Variants in ADAMTS12 observed in about 807,000 individuals in gnomAD.
ADAMTS12 encodes ADAM metallopeptidase with thrombospondin type 1 motif 12.
In ADAMTS12, 118 loss-of-function variants were observed where a neutral mutation model predicts 167.8. The ratio of observed to expected loss-of-function variants is 0.70; its 90% CI spans 0.61 to 0.82. ADAMTS12 has a LOEUF of 0.82. Ranked by LOEUF, ADAMTS12 falls within the 40% of genes least tolerant of loss-of-function variation. The pLI, the probability that ADAMTS12 is intolerant of heterozygous loss-of-function variation, is 0.00. For missense variants in ADAMTS12, 1,916 were observed against 1,998.8 expected (o/e 0.96, Z 0.79); for synonymous variants, 704 against 716.9 (o/e 0.98, Z 0.29).
At position 33,718,854 on chromosome 5, in the gene ADAMTS12, G is replaced by A. The variant is rs556548129; in HGVS notation, c.634+32550C>T. 9.5e-4 allele frequency among the ~76,000 whole-genome samples: 144 copies of A among 152,292 alleles called. 1 individual carries two copies. The highest frequency in any genetic ancestry group is 3.4e-3 in the African/African-American group (143 of 41,582). ...GCACCTGAAAATATTGCATGCACTT[G>A]CCTAGGTACTTGGTTTATGATTGGC... On this transcript the variant is annotated intron_variant, in intron 3 of 23. Transcript: ENST00000504830.
At chr5:33,631,443 G>C (rs910268653) in intron 12 of ADAMTS12, among the ~76,000 whole-genome samples, 1 of 151,028 alleles carries the variant, frequency 6.6e-6, no homozygotes, top group African/African-American at 2.4e-5. Flanking sequence ...TCCAGTCTAA[G>C]AGGTGCTTAG....
intron 21 of ADAMTS12, among the ~76,000 whole-genome samples, chr5:33,548,155 T>C (rs1745073744): frequency 6.6e-6 from 1 of 152,232 alleles, no homozygotes; most frequent in African/African-American, 2.4e-5. Context: ...TTCCCTTCAC[T>C]GGCACATGGT....
intron 19 of ADAMTS12, among the ~76,000 whole-genome samples, chr5:33,569,804 C>T (rs1330198239): frequency 1.3e-5 from 2 of 152,098 alleles, no homozygotes; most frequent in Non-Finnish European, 2.9e-5. Context: ...CTCTGAGCTA[C>T]AGGAGGAAAT....
intron 3 of ADAMTS12, among the ~76,000 whole-genome samples, chr5:33,740,019 C>T (rs951571702): frequency 3.3e-5 from 5 of 152,178 alleles, no homozygotes; most frequent in African/African-American, 1.2e-4. Context: ...AACAGAAAGA[C>T]TCATAACTCA....
chr5:33,693,788 A>G (rs1034662209), intron 3 of ADAMTS12, among the ~76,000 whole-genome samples: 4 of 152,300 alleles, frequency 2.6e-5, no homozygotes, highest in East Asian at 1.9e-4. Context: ...CACCAATCCT[A>G]TTTAACACAG....
At chr5:33,649,403 T>A in intron 8 of ADAMTS12, 151 bp downstream of exon 8, 2 of 952,186 alleles carry the variant, frequency 2.1e-6, no homozygotes, top group Non-Finnish European at 3.0e-6. Flanking sequence ...AATGCAGAAG[T>A]GAAATCCGCC....
intron 2 of ADAMTS12, among the ~76,000 whole-genome samples, chr5:33,796,830 CTCA>C (rs1197106651): frequency 3.3e-5 from 5 of 152,316 alleles, no homozygotes; most frequent in Middle Eastern, 6.8e-3. Flanking sequence ...AAACTTCACC[CTCA>C]TCATCATTTG....
intron 2 of ADAMTS12, among the ~76,000 whole-genome samples, chr5:33,875,598 G>C (rs1750201918): frequency 6.6e-6 from 1 of 152,124 alleles, no homozygotes; most frequent in African/African-American, 2.4e-5. Context: ...AAAAGCACTT[G>C]ACAAAATTCA....
chr5:33,884,979 T>C (rs969492653), intron 1 of ADAMTS12, among the ~76,000 whole-genome samples: 2 of 152,288 alleles, frequency 1.3e-5, no homozygotes, highest in African/African-American at 4.8e-5. Context: ...CTGAATAAAA[T>C]GTTATACTCT....
intron 2 of ADAMTS12, among the ~76,000 whole-genome samples, chr5:33,766,451 A>C (rs1234079693): frequency 6.6e-6 from 1 of 152,204 alleles, no homozygotes; most frequent in East Asian, 1.9e-4. Context: ...ATATTCCTAG[A>C]ACAGAAAAAA....
At chr5:33,630,609 CTG>C (rs1739871988) in intron 13 of ADAMTS12, among the ~76,000 whole-genome samples, 169 bp downstream of exon 13, 1 of 152,136 alleles carries the variant, frequency 6.6e-6, no homozygotes, top group Admixed American at 6.5e-5. Context: ...CAATCCAAAA[CTG>C]TGACTTTGAT....
At chr5:33,552,044 C>T (rs929342077) in intron 20 of ADAMTS12, among the ~76,000 whole-genome samples, 18 of 152,202 alleles carry the variant, frequency 1.2e-4, no homozygotes, top group Non-Finnish European at 1.8e-4. Flanking sequence ...CCAAACAGGT[C>T]TGATAGTATC....
At chr5:33,629,625 A>G (rs1429520072) in intron 13 of ADAMTS12, among the ~76,000 whole-genome samples, 3 of 152,176 alleles carry the variant, frequency 2.0e-5, no homozygotes, top group African/African-American at 7.2e-5. Flanking sequence ...GGCTATCACA[A>G]CCTTACACAA....
chr5:33,723,702 G>A (rs1040556164), intron 3 of ADAMTS12, among the ~76,000 whole-genome samples: 11 of 152,118 alleles, frequency 7.2e-5, no homozygotes, highest in African/African-American at 2.7e-4. Flanking sequence ...GGCAAGCAGA[G>A]GTACTTGGTA....
At chr5:33,652,596 A>G (rs575525713) in intron 7 of ADAMTS12, among the ~76,000 whole-genome samples, 1 of 151,954 alleles carries the variant, frequency 6.6e-6, no homozygotes, top group East Asian at 1.9e-4. Flanking sequence ...TACTCCACTG[A>G]TTATTTCTTT....
At chr5:33,851,953 G>C (rs1749234877) in intron 2 of ADAMTS12, among the ~76,000 whole-genome samples, 1 of 152,180 alleles carries the variant, frequency 6.6e-6, no homozygotes. Context: ...AATTTGTCCG[G>C]AAGCTCTGCC....
At chr5:33,882,627 T>G (rs1750488984) in intron 1 of ADAMTS12, among the ~76,000 whole-genome samples, 2 of 152,198 alleles carry the variant, frequency 1.3e-5, no homozygotes, top group Non-Finnish European at 2.9e-5. Flanking sequence ...TTTTTGCACT[T>G]GTTGCCCAGG....
intron 2 of ADAMTS12, among the ~76,000 whole-genome samples, chr5:33,849,304 A>G (rs895935020): frequency 1.6e-5 from 2 of 125,260 alleles, no homozygotes; most frequent in Non-Finnish European, 3.4e-5. Context: ...CAATATATAT[A>G]TATGTATTGC....
chr5:33,751,385 G>A lies in ADAMTS12; in HGVS notation c.634+19C>T, dbSNP rs1412126331. 2 of 1,614,114 alleles carry A rather than the reference G, an allele frequency of 1.2e-6. No individual in the cohort carries two copies. Among genetic ancestry groups the A allele is most frequent in the Admixed American group, 1.7e-5 (1 of 60,010 alleles). ...CAAAACAGATTCTTCAACCCAGGAG[G>A]ACATGTGAGTCACAATACCCTTTAA... On this transcript the variant is annotated intron_variant, in intron 3 of 23. Transcript: ENST00000504830.
Sources: allele counts gnomAD v4.1 joint callset (sites outside exome capture counted in the v4.1 genomes callset), GRCh38; gene constraint gnomAD v4.1.1; transcripts MANE v1.5; gene names NCBI Gene and HGNC (gene_info 2026-07-23, HGNC 2026-07-21).